The following ALG1L2 variants were observed in gnomAD, a reference collection of about 807,000 sequenced individuals.
ALG1L2 encodes the protein ALG1 chitobiosyldiphosphodolichol beta-mannosyltransferase like 2.
A neutral mutation model predicts 29.0 loss-of-function variants in ALG1L2; 32 were observed. That is an observed-to-expected ratio of 1.10 (90% CI 0.83 to 1.48). The LOEUF is 1.48. Ranked by LOEUF, ALG1L2 falls within the 40% of genes most tolerant of loss-of-function variation. The probability of loss-of-function intolerance (pLI) is 0.00; values close to 1 mark genes in which losing one functional copy is unlikely to be tolerated. For synonymous variants in ALG1L2, 110 were observed against 109.5 expected, an observed-to-expected ratio of 1.00 and a Z score of -0.03; for missense variants, 318 against 274.1, an observed-to-expected ratio of 1.16 and a Z score of -1.13.
Position 130,097,307 on chromosome 3 carries a change from C to T in ALG1L2, c.615+57C>T, listed in dbSNP as rs114269971. ...CAGGGTTCTGGAGACTGGCACCGAG[C>T]CATGCTCCCTGATCCCTGTTTCACA... On this transcript the variant is annotated intron_variant, in intron 7 of 7. Coordinates refer to ENST00000425059, the MANE Select transcript of ALG1L2 (RefSeq NM_001136152.1). The T allele has an allele frequency of 8.6e-5, 137 of 1,590,526 alleles. 2 individuals carry two copies. In the African/African-American group the frequency reaches 1.6e-3, roughly 19 times the overall value.
Position 130,092,165 on chromosome 3 carries a change from C to T in ALG1L2, c.196C>T (p.Leu66=). The T allele has an allele frequency of 6.2e-7, 1 of 1,613,238 alleles. No homozygotes were observed. The highest frequency in any genetic ancestry group is 8.5e-7 in the Non-Finnish European group (1 of 1,179,750). The change falls in exon 3 of 8, where the codon CTG becomes TTG. Residue 66 remains leucine, a synonymous_variant. Coordinates refer to ENST00000425059, the MANE Select transcript of ALG1L2 (RefSeq NM_001136152.1). ...CACGGAGCGGGATTCTGGGAGCGGG[C>T]TGGTGACGCGTCTCCACGAGCGGCC... The part of the protein sequence containing the change: ...AFTERDSGSG[L]VTRLHERPAL...
At chr3:130,094,041 T>G in intron 4 of ALG1L2, 2 of 283,756 alleles carry the variant, frequency 7.0e-6, no homozygotes, top group Non-Finnish European at 1.4e-5. Context: ...CGCCCTGTGG[T>G]TTGGGGGCTG....
At chr3:130,083,281 T>C (rs1934825520) in intron 1 of ALG1L2, among the ~76,000 whole-genome samples, 2 of 136,814 alleles carry the variant, frequency 1.5e-5, no homozygotes. Context: ...CCGTCTCTAT[T>C]AAAAATACAA....
intron 2 of ALG1L2, chr3:130,091,664 G>T (rs1935016638): frequency 3.7e-6 from 2 of 544,870 alleles, no homozygotes; most frequent in Non-Finnish European, 6.7e-6. Context: ...ATGTTAAAGG[G>T]TCTTACTCTC....
Position 130,082,039 on chromosome 3 carries a change from A to T in ALG1L2, c.20+3A>T. The T allele has an allele frequency of 6.6e-7, 1 of 1,508,740 alleles. No homozygotes were observed. The highest frequency in any genetic ancestry group is 9.0e-7 in the Non-Finnish European group (1 of 1,111,176). The allele number at this position is 1,508,740 out of a possible 1,614,324, so 93.5% of individuals were successfully genotyped here. On this transcript the variant is annotated splice_donor_region_variant and intron_variant, in intron 1 of 7. Transcript: ENST00000425059. ...GACATGGGAGCTACTGCAGGCTGGT[A>T]AGCAGGGGGGTGGTGCTGGTTGGAT...
In ALG1L2 at chr3:130,082,369, T is replaced by A. The variant is rs1337626386; in HGVS notation, c.20+333T>A. On this transcript the variant is annotated intron_variant, in intron 1 of 7. Coordinates refer to ENST00000425059, the MANE Select transcript of ALG1L2 (RefSeq NM_001136152.1). ...TGTTTTGTTTTGTTTTGAGAAAGAG[T>A]CTCTGTCGCCCAGGCTGGAGTGCAC... Among the ~76,000 whole-genome samples the A allele has an allele frequency of 8.6e-5, 9 of 105,180 alleles. 1 individual carries two copies. Among genetic ancestry groups the A allele is most frequent in the African/African-American group, 2.9e-4 (9 of 30,538 alleles). 69.0% of individuals were successfully genotyped at this position (105,180 alleles called of 152,430 possible).
chr3:130,097,461 T>A (rs776358272), intron 7 of ALG1L2, among the ~76,000 whole-genome samples: 5 of 152,314 alleles, frequency 3.3e-5, no homozygotes, highest in Middle Eastern at 3.4e-3. Flanking sequence ...CAACCCCACC[T>A]GCCCTCTAGA....
intron 6 of ALG1L2, 55 bp from the exon 7 acceptor site, chr3:130,097,120 A>C (rs1029523342): frequency 1.2e-6 from 2 of 1,603,300 alleles, no homozygotes; most frequent in Non-Finnish European, 1.7e-6. Context: ...TGGGCACCCC[A>C]GGGGTCTAGT....
chr3:130,096,756 T>C (rs73866092), intron 6 of ALG1L2, among the ~76,000 whole-genome samples: 63,601 of 152,022 alleles, frequency 0.42, 13,489 homozygotes, highest in Middle Eastern at 0.5. Context: ...TTCAGGGATG[T>C]GAGCCTCTCG....
intron 4 of ALG1L2, chr3:130,093,890 C>T (rs1436107834): frequency 5.6e-6 from 1 of 177,804 alleles, no homozygotes; most frequent in African/African-American, 2.4e-5. Context: ...CTGCTCTCCT[C>T]CCTCCTCTGG....
intron 1 of ALG1L2, among the ~76,000 whole-genome samples, chr3:130,090,317 G>A (rs1038844452): frequency 9.2e-5 from 14 of 152,274 alleles, no homozygotes; most frequent in Non-Finnish European, 1.6e-4. Flanking sequence ...ATTGCACCAA[G>A]GCGCTCCAGC....
intron 6 of ALG1L2, among the ~76,000 whole-genome samples, chr3:130,096,890 A>G (rs1935148730): frequency 6.6e-6 from 1 of 152,184 alleles, no homozygotes; most frequent in Admixed American, 6.5e-5. Flanking sequence ...ATTAAGAAAA[A>G]CATGCAAAAA....
chr3:130,097,230 G>T lies in ALG1L2; in HGVS notation c.595G>T (p.Glu199Ter), dbSNP rs777754537. The T allele has an allele frequency of 8.7e-6, 14 of 1,610,650 alleles. No individual in the cohort carries two copies. The Admixed American group carries it at 2.3e-4, about 27-fold the overall frequency. The change falls in exon 7 of 8, where the codon GAA becomes TAA. Residue 199 changes from glutamate (E) to a stop codon, truncating the protein, a stop_gained. Coordinates refer to ENST00000425059, the MANE Select transcript of ALG1L2 (RefSeq NM_001136152.1). LOFTEE classifies it high-confidence loss of function. ...CCGCCTGGTCTTTGAGGACTCAGAG[G>T]AACTGGCAGCTCAGCTGCAGGTAGC... is the stretch of plus-strand genomic sequence containing the variant. ...ENRLVFEDSEELAAQLQYFAD... is the reference protein window; with the variant it reads ...ENRLVFEDSE
At chr3:130,082,861 C>T (rs116410588) in intron 1 of ALG1L2, among the ~76,000 whole-genome samples, 2,359 of 145,106 alleles carry the variant, frequency 0.016, 1 homozygote, top group African/African-American at 0.054. Flanking sequence ...ACGGAGTCTG[C>T]AAGAGATGCT....
intron 5 of ALG1L2, among the ~76,000 whole-genome samples, chr3:130,095,637 T>C (rs1169600893): frequency 6.6e-6 from 1 of 151,324 alleles, no homozygotes; most frequent in Non-Finnish European, 1.5e-5. Context: ...AGATGGGGTT[T>C]CACCATGTTG....
intron 1 of ALG1L2, among the ~76,000 whole-genome samples, chr3:130,087,246 G>C (rs879361909): frequency 1.3e-5 from 2 of 150,682 alleles, no homozygotes; most frequent in Non-Finnish European, 3.0e-5. Flanking sequence ...TGCTGTGATA[G>C]TCCCACCCCA....
intron 5 of ALG1L2, among the ~76,000 whole-genome samples, chr3:130,095,069 C>T (rs1431563098): frequency 1.3e-5 from 2 of 152,176 alleles, no homozygotes; most frequent in Non-Finnish European, 1.5e-5. Context: ...CAGTCTTGCT[C>T]CGTTGCCTAG....
chr3:130,092,362 G>T, intron 3 of ALG1L2, 140 bp downstream of exon 3: 1 of 1,599,670 alleles, frequency 6.3e-7, no homozygotes, highest in South Asian at 1.1e-5. Flanking sequence ...AGCTGGAAGA[G>T]TGGTGTCTAG....
rs1238837017 is a variant in ALG1L2 at position 130,082,016 on chromosome 3, C to T, written c.-1C>T. 1.3e-6 allele frequency: 2 copies of T among 1,506,650 alleles called. No homozygotes were observed. Among genetic ancestry groups the T allele is most frequent in the Admixed American group, 2.0e-5 (1 of 49,936 alleles). The allele number at this position is 1,506,650 out of a possible 1,614,324, so 93.3% of individuals were successfully genotyped here. A position where few individuals can be genotyped will look rare whatever the true frequency, so the allele number is the denominator to read the frequency against. On this transcript the variant is annotated 5_prime_UTR_variant, in exon 1 of 8. Transcript: ENST00000425059. ...AAGTCTGAATTTTAACCTGAAGGGA[C>T]ATGGGAGCTACTGCAGGCTGGTAAG...
Sources: gnomAD v4.1 joint callset for allele counts (sites outside exome capture counted in the v4.1 genomes callset) on GRCh38, gnomAD v4.1.1 for gene constraint, MANE v1.5 for transcripts, NCBI Gene and HGNC (gene_info 2026-07-23, HGNC 2026-07-21) for gene names.